The following CCDC6 variants were observed in gnomAD, a reference collection of about 807,000 sequenced individuals.
CCDC6 encodes coiled-coil domain-containing protein 6.
In CCDC6, 20 loss-of-function variants were observed where a neutral mutation model predicts 56.6. The observed-to-expected ratio is 0.35, with a 90% CI of 0.25 to 0.51. The LOEUF (loss-of-function observed/expected upper bound fraction) is 0.51. CCDC6 is among the 20% of genes least tolerant of loss of function. The probability of loss-of-function intolerance (pLI) is 0.95; values close to 1 mark genes in which losing one functional copy is unlikely to be tolerated. For synonymous variants in CCDC6, 241 were observed against 234.4 expected (o/e 1.03, Z -0.26); for missense variants, 367 against 601.1 (o/e 0.61, Z 4.07).
intron 1 of CCDC6, among the ~76,000 whole-genome samples, chr10:59,882,638 G>GGAAAGC (rs1395936657): frequency 6.6e-6 from 1 of 152,100 alleles, no homozygotes; most frequent in African/African-American, 2.4e-5. Context: ...CCAGGGAGAA[G>GGAAAGC]TGGTGACATG....
At chr10:59,847,073 G>A (rs1589048697) in intron 2 of CCDC6, among the ~76,000 whole-genome samples, 3 of 148,110 alleles carry the variant, frequency 2.0e-5, no homozygotes, top group African/African-American at 7.6e-5. Context: ...TTTTTTTTGA[G>A]ACGGAGTCTC....
At chr10:59,877,391 G>C (rs183353674) in intron 1 of CCDC6, among the ~76,000 whole-genome samples, 1 of 152,308 alleles carries the variant, frequency 6.6e-6, no homozygotes, top group South Asian at 2.1e-4. Flanking sequence ...ATAAATGGAG[G>C]TGGTTCTTCT....
In CCDC6 at chr10:59,794,534, A is replaced by G; in HGVS notation, c.1169T>C (p.Met390Thr). ...AAGACCCGGGGAATTGTAATAAGAC[A>G]TTCCAGCTCTAGTCAGTGAAGTTGG... ...TPPTSLTRAG[M>T]SYYNSPGLHV... The change falls in exon 8 of 9, where the codon ATG becomes ACG. Residue 390 changes from methionine to threonine, a missense_variant. This residue lies in a region of CCDC6 where 79 missense variants were observed against 83.9 expected (regional missense o/e 0.94). Transcript: ENST00000263102. 6.2e-7 allele frequency: 1 copy of G among 1,614,164 alleles called. No individual in the cohort carries two copies. Among genetic ancestry groups the G allele is most frequent in the Non-Finnish European group, 8.5e-7 (1 of 1,179,982 alleles).
chr10:59,848,701 G>A (rs1425362096), intron 2 of CCDC6, among the ~76,000 whole-genome samples: 3 of 152,190 alleles, frequency 2.0e-5, no homozygotes, highest in Non-Finnish European at 4.4e-5. Flanking sequence ...AACATTAAGT[G>A]AGAACTTACT....
chr10:59,891,371 A>G (rs1343635548), intron 1 of CCDC6, among the ~76,000 whole-genome samples: 1 of 152,234 alleles, frequency 6.6e-6, no homozygotes, highest in East Asian at 1.9e-4. Flanking sequence ...AATCTGCAAC[A>G]CATAAAATAA....
chr10:59,793,250 T>G (rs1445574785), intron 8 of CCDC6, 139 bp from the exon 9 acceptor site: 4 of 660,656 alleles, frequency 6.1e-6, no homozygotes, highest in African/African-American at 1.8e-5. Context: ...TCTTCATCCC[T>G]ACTGGTTTCT....
At chr10:59,902,867 C>A (rs2071514838) in intron 1 of CCDC6, among the ~76,000 whole-genome samples, 1 of 152,294 alleles carries the variant, frequency 6.6e-6, no homozygotes, top group East Asian at 1.9e-4. Context: ...CCAGACAAAA[C>A]CCTTCATATG....
rs111779783 is a variant in CCDC6 at position 59,838,228 on chromosome 10, TCA to T, written c.454-5577_454-5576del. Among the ~76,000 whole-genome samples the T allele has an allele frequency of 6.1e-4, 92 of 151,208 alleles. No homozygotes were observed. In the South Asian group the frequency reaches 0.018, roughly 30 times the overall value. On this transcript the variant is annotated intron_variant, in intron 2 of 8. Transcript: ENST00000263102. ...ATGAAGTCAGCCTCCATAACAGCTG[TCA>T]CACACACACACACTCTCCTTTGTGT...
rs1157812936 is a variant in CCDC6 at position 59,906,167 on chromosome 10, T to G, written c.258A>C (p.Ala86=). The G allele has an allele frequency of 6.2e-7, 1 of 1,610,354 alleles. No individual in the cohort carries two copies. The change falls in exon 1 of 9, where the codon GCA becomes GCC. Residue 86 remains alanine (A), a synonymous_variant. Coordinates refer to ENST00000263102, the MANE Select transcript of CCDC6 (RefSeq NM_005436.5). ...GCAGGTCGCGGTTCTCCTCCTGCAG[T>G]GCCTTGCACTTCAGTTTGTAGGTCT... ...ELETYKLKCK[A]LQEENRDLRK...
rs977796686 is a variant in CCDC6 at position 59,833,645 on chromosome 10, G to A, written c.454-992C>T. 4.7e-4 allele frequency among the ~76,000 whole-genome samples: 68 copies of A among 143,654 alleles called. 6 individuals carry two copies. The highest frequency in any genetic ancestry group is 9.2e-4 in the Non-Finnish European group (60 of 65,034). 94.2% of individuals were successfully genotyped at this position (143,654 alleles called of 152,430 possible). A position where few individuals can be genotyped will look rare whatever the true frequency, so the allele number is the denominator to read the frequency against. On this transcript the variant is annotated intron_variant, in intron 2 of 8. Coordinates refer to ENST00000263102, the MANE Select transcript of CCDC6 (RefSeq NM_005436.5). ...ATTTTTATAACACTCTCAACTGGGGGGGGGGGGGGTTTGTTGATCCACAGC... is the reference window on the plus strand; with the variant it reads ...ATTTTTATAACACTCTCAACTGGGGAGGGGGGGGGTTTGTTGATCCACAGC...
At chr10:59,902,846 C>A (rs565557854) in intron 1 of CCDC6, among the ~76,000 whole-genome samples, 1 of 152,342 alleles carries the variant, frequency 6.6e-6, no homozygotes, top group South Asian at 2.1e-4. Context: ...CCCAAATGAA[C>A]TGATATCTTT....
At chr10:59,831,773 A>G (rs766754393) in intron 3 of CCDC6, among the ~76,000 whole-genome samples, 2 of 152,222 alleles carry the variant, frequency 1.3e-5, no homozygotes, top group Non-Finnish European at 2.9e-5. Context: ...TGGAGTGACA[A>G]CAGCTGCCCA....
intron 3 of CCDC6, among the ~76,000 whole-genome samples, chr10:59,820,407 C>G (rs1203676132): frequency 6.6e-6 from 1 of 152,064 alleles, no homozygotes; most frequent in African/African-American, 2.4e-5. Context: ...TGTTTTGAAA[C>G]CCAAATATTT....
chr10:59,859,199 C>T (rs1664286), intron 1 of CCDC6, among the ~76,000 whole-genome samples: 8,349 of 137,112 alleles, frequency 0.061, 323 homozygotes, highest in African/African-American at 0.11. Flanking sequence ...CATGTGTGTG[C>T]GTGTGTGTGT....
chr10:59,893,443 A>G (rs573716269), intron 1 of CCDC6, among the ~76,000 whole-genome samples: 1 of 152,096 alleles, frequency 6.6e-6, no homozygotes, highest in Non-Finnish European at 1.5e-5. Context: ...TACAAAAAAA[A>G]TCCAAGAAAC....
At chr10:59,796,052 A>G (rs1466399996) in intron 7 of CCDC6, among the ~76,000 whole-genome samples, 1 of 152,222 alleles carries the variant, frequency 6.6e-6, no homozygotes, top group Non-Finnish European at 1.5e-5. Context: ...GAATCACCAC[A>G]CTGACTTTCA....
intron 1 of CCDC6, among the ~76,000 whole-genome samples, chr10:59,902,846 C>CT (rs1234219474): frequency 6.6e-6 from 1 of 152,224 alleles, no homozygotes; most frequent in African/African-American, 2.4e-5. Context: ...CCCAAATGAA[C>CT]TGATATCTTT....
intron 1 of CCDC6, among the ~76,000 whole-genome samples, chr10:59,898,990 T>G (rs908812042): frequency 2.6e-5 from 4 of 152,108 alleles, no homozygotes; most frequent in Non-Finnish European, 5.9e-5. Flanking sequence ...AGAATACTTA[T>G]CCCTAAAGAG....
intron 1 of CCDC6, among the ~76,000 whole-genome samples, chr10:59,857,067 T>C (rs1364701229): frequency 2.6e-5 from 4 of 152,180 alleles, no homozygotes; most frequent in East Asian, 1.9e-4. Context: ...ATTTAAAACA[T>C]TGCCCCTCAC....
Sources: gnomAD v4.1 joint callset for allele counts (sites outside exome capture counted in the v4.1 genomes callset) on GRCh38, gnomAD v4.1.1 for gene constraint, gnomAD v4.1.1 regional missense constraint, MANE v1.5 for transcripts, NCBI Gene and HGNC (gene_info 2026-07-23, HGNC 2026-07-21) for gene names.